Variants in ZNF236 observed in about 807,000 individuals in gnomAD.
ZNF236 encodes the protein regulated by glucose.
In ZNF236, 50 loss-of-function variants were observed where a neutral mutation model predicts 191.2. The ratio of observed to expected loss-of-function variants is 0.26; its 90% confidence interval spans 0.21 to 0.33. ZNF236 has a LOEUF of 0.33. ZNF236 is among the 10% of genes least tolerant of loss of function. The pLI is 1.00. For synonymous variants in ZNF236, 907 were observed against 928.8 expected (o/e 0.98, Z 0.43); for missense variants, 1,754 against 2,374.5 (o/e 0.74, Z 5.43).
At chr18:76,965,597 C>T (rs953903918) in intron 30 of ZNF236, among the ~76,000 whole-genome samples, 1 of 152,226 alleles carries the variant, frequency 6.6e-6, no homozygotes, top group Non-Finnish European at 1.5e-5. Context: ...ATAGTACTCC[C>T]CGCCTTTTCC....
intron 25 of ZNF236, among the ~76,000 whole-genome samples, chr18:76,933,513 ACTCT>A (rs1027081956): frequency 1.4e-5 from 2 of 144,388 alleles, no homozygotes; most frequent in Admixed American, 1.4e-4. Context: ...TCTCTCTCTC[ACTCT>A]CTCTCTCTCT....
chr18:76,830,666 A>C (rs1975146700), intron 1 of ZNF236, among the ~76,000 whole-genome samples: 1 of 152,286 alleles, frequency 6.6e-6, no homozygotes, highest in East Asian at 1.9e-4. Flanking sequence ...AAAGTCTCAT[A>C]ATGTTTTAGG....
chr18:76,857,940 G>A lies in ZNF236; in HGVS notation c.363+6001G>A, dbSNP rs144708315. ...AATGTGAAAACATCAGCGATGTTTG[G>A]TTACTATGGATTCAGTACACTTTTT... is the stretch of plus-strand genomic sequence containing the variant. On this transcript the variant is annotated intron_variant, in intron 3 of 30. Transcript: ENST00000320610. Among the ~76,000 whole-genome samples the A allele has an allele frequency of 4.4e-3, 669 of 152,276 alleles. 6 individuals carry two copies. Among genetic ancestry groups the A allele is most frequent in the African/African-American group, 0.015 (641 of 41,538 alleles).
At chr18:76,836,152 C>T (rs1975318776) in intron 1 of ZNF236, among the ~76,000 whole-genome samples, 1 of 152,140 alleles carries the variant, frequency 6.6e-6, no homozygotes, top group South Asian at 2.1e-4. Flanking sequence ...GTGATCTGCC[C>T]ACCTCGGCCT....
Position 76,968,628 on chromosome 18 carries a change from C to A in ZNF236, c.*289C>A. The A allele has an allele frequency of 8.7e-7, 1 of 1,146,008 alleles. No individual in the cohort carries two copies. The highest frequency in any genetic ancestry group is 1.1e-6 in the Non-Finnish European group (1 of 932,702). The allele number at this position is 1,146,008 out of a possible 1,614,324, so 71.0% of individuals were successfully genotyped here. On this transcript the variant is annotated 3_prime_UTR_variant, in exon 31 of 31. Coordinates refer to ENST00000320610, the MANE Select transcript of ZNF236 (RefSeq NM_001306089.2). ...TGGCTAGTGTGTCTAGTTCACGAAGCAATTAACTGGGTCTTACTATCATTG... is the reference window on the plus strand; with the variant it reads ...TGGCTAGTGTGTCTAGTTCACGAAGAAATTAACTGGGTCTTACTATCATTG...
At chr18:76,842,550 G>A (rs147149796) in intron 1 of ZNF236, among the ~76,000 whole-genome samples, 269 of 151,854 alleles carry the variant, frequency 1.8e-3, no homozygotes, top group African/African-American at 6.2e-3. Flanking sequence ...TAGGGAGTTC[G>A]AGACCAGTGT....
At chr18:76,912,863 G>A (rs1485429584) in intron 17 of ZNF236, among the ~76,000 whole-genome samples, 1 of 152,214 alleles carries the variant, frequency 6.6e-6, no homozygotes, top group Non-Finnish European at 1.5e-5. Context: ...ACATTGGCCA[G>A]GCTGGTCTCA....
rs375206130 is a variant in ZNF236 at position 76,832,040 on chromosome 18, A to G, written c.55+9378A>G. On this transcript the variant is annotated intron_variant, in intron 1 of 30. Coordinates refer to ENST00000320610, the MANE Select transcript of ZNF236 (RefSeq NM_001306089.2). Reference sequence around the variant, plus strand: ...TAAATAATATTTGAAAATAAGTAATATTTTCCTATGTTTTCATCTAGAGGC... The same window carrying G: ...TAAATAATATTTGAAAATAAGTAATGTTTTCCTATGTTTTCATCTAGAGGC... 1.5e-4 allele frequency among the ~76,000 whole-genome samples: 23 copies of G among 152,122 alleles called. 2 individuals are homozygous for G. The highest frequency in any genetic ancestry group is 1.4e-3 in the Admixed American group (21 of 15,276).
At chr18:76,836,200 C>G (rs968899375) in intron 1 of ZNF236, among the ~76,000 whole-genome samples, 1 of 152,194 alleles carries the variant, frequency 6.6e-6, no homozygotes, top group African/African-American at 2.4e-5. Flanking sequence ...GCCACCACGC[C>G]TGGCCTATAC....
Position 76,912,287 on chromosome 18 carries a change from T to G in ZNF236, c.2849T>G (p.Leu950Arg). The G allele has an allele frequency of 6.2e-7, 1 of 1,614,250 alleles. No individual in the cohort carries two copies. The highest frequency in any genetic ancestry group is 8.5e-7 in the Non-Finnish European group (1 of 1,180,044). ...IQESSQEELD[L>R]QAQGSQFLED... is the part of the protein sequence containing the mutation. ...GAGTCATCCCAAGAGGAACTGGACCTGCAGGCACAAGGTTCCCAGTTTCTG... is the reference window on the plus strand; with the variant it reads ...GAGTCATCCCAAGAGGAACTGGACCGGCAGGCACAAGGTTCCCAGTTTCTG... The change falls in exon 17 of 31, where the codon CTG (leucine) becomes CGG (arginine). Residue 950 changes from leucine (L) to arginine (R), a missense_variant. This residue lies in a region of ZNF236 where 641 missense variants were observed against 869.6 expected (regional missense o/e 0.74). Transcript: ENST00000320610.
intron 18 of ZNF236, among the ~76,000 whole-genome samples, chr18:76,914,297 TG>T (rs1198083608): frequency 6.6e-6 from 1 of 152,244 alleles, no homozygotes; most frequent in East Asian, 1.9e-4. Flanking sequence ...TTGTAGGATA[TG>T]CCACGTCTTA....
At chr18:76,853,395 A>T (rs1297954966) in intron 3 of ZNF236, among the ~76,000 whole-genome samples, 1 of 152,068 alleles carries the variant, frequency 6.6e-6, no homozygotes, top group Non-Finnish European at 1.5e-5. Context: ...CATATTTTCT[A>T]CGTGATTTTG....
chr18:76,956,327 T>C, intron 28 of ZNF236, 145 bp downstream of exon 28: 1 of 935,854 alleles, frequency 1.1e-6, no homozygotes, highest in South Asian at 1.4e-5. Flanking sequence ...GATGTAGATG[T>C]ATTGTTCCGG....
chr18:76,943,122 CAAA>C (rs530931580), intron 26 of ZNF236, among the ~76,000 whole-genome samples: 1,416 of 85,796 alleles, frequency 0.017, 12 homozygotes, highest in African/African-American at 0.063. Flanking sequence ...GACTCCGTCT[CAAA>C]AAAAAAAAAA....
intron 7 of ZNF236, among the ~76,000 whole-genome samples, chr18:76,879,593 C>T (rs1264115438): frequency 1.3e-5 from 2 of 152,124 alleles, no homozygotes; most frequent in African/African-American, 2.4e-5. Flanking sequence ...TGGGACATTT[C>T]GGATTCCCGA....
At chr18:76,901,086 C>T (rs1238674025) in intron 11 of ZNF236, among the ~76,000 whole-genome samples, 5 of 152,182 alleles carry the variant, frequency 3.3e-5, no homozygotes, top group Non-Finnish European at 7.4e-5. Flanking sequence ...CCTCCTGCTG[C>T]GTGGCCCGGT....
intron 4 of ZNF236, 92 bp downstream of exon 4, chr18:76,868,955 A>G (rs1269276778): frequency 2.1e-5 from 27 of 1,298,192 alleles, no homozygotes; most frequent in Non-Finnish European, 2.7e-5. Flanking sequence ...TATTTGCTGC[A>G]AGAACCCAGC....
intron 20 of ZNF236, among the ~76,000 whole-genome samples, chr18:76,921,282 G>A (rs1967525080): frequency 6.6e-6 from 1 of 152,196 alleles, no homozygotes; most frequent in Admixed American, 6.5e-5. Flanking sequence ...GGTCCCACTG[G>A]GTGGTGTGGC....
intron 10 of ZNF236, 53 bp downstream of exon 10, chr18:76,895,338 AT>A: frequency 6.3e-7 from 1 of 1,586,612 alleles, no homozygotes; most frequent in Non-Finnish European, 8.5e-7. Flanking sequence ...GGCCACACAC[AT>A]TACTGCGCAC....
Sources: gnomAD v4.1 joint callset for allele counts (sites outside exome capture counted in the v4.1 genomes callset) on GRCh38, gnomAD v4.1.1 for gene constraint, gnomAD v4.1.1 regional missense constraint, MANE v1.5 for transcripts, NCBI Gene and HGNC (gene_info 2026-07-23, HGNC 2026-07-21) for gene names.